GRM7: variants seen among roughly 807,000 people sequenced by gnomAD.
The protein encoded by GRM7 is glutamate metabotropic receptor 7.
GRM7 carries 35 observed loss-of-function variants against 84.5 expected under a neutral mutation model. The observed-to-expected ratio is 0.41, with a 90% CI of 0.32 to 0.55. GRM7 has a LOEUF of 0.55. GRM7 is among the 20% of genes least tolerant of loss of function. The probability of loss-of-function intolerance (pLI) is 0.19; values close to 1 mark genes in which losing one functional copy is unlikely to be tolerated. For missense variants in GRM7, 1,003 were observed against 1,194.6 expected, an observed-to-expected ratio of 0.84 and a Z score of 2.36; for synonymous variants, 487 against 455.1, an observed-to-expected ratio of 1.07 and a Z score of -0.89.
At chr3:7,455,730 G>A (rs183219950) in intron 6 of GRM7, among the ~76,000 whole-genome samples, 14 of 152,218 alleles carry the variant, frequency 9.2e-5, no homozygotes, top group African/African-American at 2.9e-4. Flanking sequence ...AATGTAATGG[G>A]GAAATACTGA....
rs55736936 is a variant in GRM7 at position 7,365,626 on chromosome 3, T to G, written c.1034-49397T>G. Among the ~76,000 whole-genome samples, 448 of 142,784 alleles carry G rather than the reference T, an allele frequency of 3.1e-3. 2 individuals carry two copies. The highest frequency in any genetic ancestry group is 0.011 in the African/African-American group (428 of 38,204). 93.7% of individuals were successfully genotyped at this position (142,784 alleles called of 152,430 possible). A position where few individuals can be genotyped will look rare whatever the true frequency, so the allele number is the denominator to read the frequency against. On this transcript the variant is annotated intron_variant, in intron 4 of 9. Coordinates refer to ENST00000357716, the MANE Select transcript of GRM7 (RefSeq NM_000844.4). ...GTCCATACAGTAGTCTGATTTAATATGCATGTGTGTGTGCGTGTGTGTATA... is the reference window on the plus strand; with the variant it reads ...GTCCATACAGTAGTCTGATTTAATAGGCATGTGTGTGTGCGTGTGTGTATA...
intron 7 of GRM7, among the ~76,000 whole-genome samples, chr3:7,497,588 C>A (rs1184290908): frequency 6.6e-6 from 1 of 152,064 alleles, no homozygotes; most frequent in East Asian, 1.9e-4. Context: ...TCTGCATGTT[C>A]TTTTTCATGT....
At chr3:7,273,898 G>A (rs1698957540) in intron 2 of GRM7, among the ~76,000 whole-genome samples, 1 of 151,912 alleles carries the variant, frequency 6.6e-6, no homozygotes, top group Non-Finnish European at 1.5e-5. Context: ...TAGCTGCCAT[G>A]CTTGCCACTG....
At chr3:7,287,377 C>G (rs749055699) in intron 2 of GRM7, among the ~76,000 whole-genome samples, 1 of 152,134 alleles carries the variant, frequency 6.6e-6, no homozygotes, top group African/African-American at 2.4e-5. Context: ...CTTCAAATGT[C>G]TTGTTTTATC....
chr3:7,248,483 CTT>C (rs546267511), intron 2 of GRM7, among the ~76,000 whole-genome samples: 1 of 151,990 alleles, frequency 6.6e-6, no homozygotes, highest in Non-Finnish European at 1.5e-5. Context: ...AAGAAAGGGA[CTT>C]TTTTGGATGA....
chr3:7,338,542 T>C (rs1468519465), intron 4 of GRM7, among the ~76,000 whole-genome samples: 2 of 152,020 alleles, frequency 1.3e-5, no homozygotes, highest in Admixed American at 6.6e-5. Context: ...AAAAAAGACA[T>C]GTTCCTCTTA....
At chr3:7,636,904 T>C (rs1698121939) in intron 8 of GRM7, among the ~76,000 whole-genome samples, 1 of 59,882 alleles carries the variant, frequency 1.7e-5, no homozygotes, top group Non-Finnish European at 3.2e-5. Context: ...TTCTGTTTAC[T>C]AACATCAGTG....
At chr3:7,500,224 T>G (rs1699841756) in intron 7 of GRM7, among the ~76,000 whole-genome samples, 1 of 152,272 alleles carries the variant, frequency 6.6e-6, no homozygotes, top group Admixed American at 6.5e-5. Flanking sequence ...GTTTTTAGCT[T>G]CCTTTTGGTC....
At chr3:7,105,347 G>A (rs1306640365) in intron 1 of GRM7, among the ~76,000 whole-genome samples, 1 of 151,702 alleles carries the variant, frequency 6.6e-6, no homozygotes, top group African/African-American at 2.4e-5. Flanking sequence ...ATCTATCCAG[G>A]GATCCAGCTG....
chr3:6,881,025 C>T (rs1342998164), intron 1 of GRM7, among the ~76,000 whole-genome samples: 1 of 152,120 alleles, frequency 6.6e-6, no homozygotes, highest in Non-Finnish European at 1.5e-5. Context: ...GATTCAAGAG[C>T]CTACCGTTTC....
chr3:7,202,066 C>T (rs941377051), intron 2 of GRM7, among the ~76,000 whole-genome samples: 4 of 151,930 alleles, frequency 2.6e-5, no homozygotes, highest in African/African-American at 7.3e-5. Context: ...ATCTGGTGCT[C>T]TTGATGCTGC....
intron 5 of GRM7, among the ~76,000 whole-genome samples, chr3:7,450,740 T>C (rs750378116): frequency 2.6e-5 from 4 of 151,984 alleles, no homozygotes; most frequent in Non-Finnish European, 4.4e-5. Context: ...CTATACTATA[T>C]ACACTGAAAA....
chr3:7,153,189 C>A (rs945781845), intron 2 of GRM7, among the ~76,000 whole-genome samples: 1 of 73,032 alleles, frequency 1.4e-5, no homozygotes, highest in African/African-American at 5.5e-5. Context: ...TCCTTTGTTT[C>A]TGCTTATTTT....
intron 4 of GRM7, among the ~76,000 whole-genome samples, chr3:7,326,094 G>T (rs774956484): frequency 7.9e-6 from 1 of 127,202 alleles, no homozygotes. Context: ...TTGGCAAAGT[G>T]AAAAGAGCTT....
intron 1 of GRM7, among the ~76,000 whole-genome samples, chr3:7,105,203 A>G (rs1373153381): frequency 6.6e-6 from 1 of 151,700 alleles, no homozygotes; most frequent in African/African-American, 2.4e-5. Flanking sequence ...TTTAAACTTA[A>G]TGTGTAGAAA....
chr3:7,723,828 C>A (rs1333749011), intron 9 of GRM7, among the ~76,000 whole-genome samples: 1 of 152,078 alleles, frequency 6.6e-6, no homozygotes, highest in Non-Finnish European at 1.5e-5. Context: ...GCCTGGGCAA[C>A]AGAGTGAGAG....
At chr3:7,484,098 G>A (rs188118934) in intron 7 of GRM7, among the ~76,000 whole-genome samples, 2 of 152,272 alleles carry the variant, frequency 1.3e-5, no homozygotes, top group South Asian at 2.1e-4. Context: ...TTGAATAGTT[G>A]TCACAACTGA....
chr3:7,339,459 T>G (rs1429239498), intron 4 of GRM7, among the ~76,000 whole-genome samples: 1 of 152,138 alleles, frequency 6.6e-6, no homozygotes, highest in African/African-American at 2.4e-5. Context: ...ATCTAGAGTT[T>G]CTGGTCTCTG....
intron 8 of GRM7, among the ~76,000 whole-genome samples, chr3:7,670,659 A>AC (rs1699880779): frequency 6.6e-6 from 1 of 152,216 alleles, no homozygotes; most frequent in Non-Finnish European, 1.5e-5. Flanking sequence ...ATTTGGCAAG[A>AC]TTGACAGCAT....
Sources: allele counts gnomAD v4.1 joint callset (sites outside exome capture counted in the v4.1 genomes callset), GRCh38; gene constraint gnomAD v4.1.1; transcripts MANE v1.5; gene names NCBI Gene and HGNC (gene_info 2026-07-23, HGNC 2026-07-21).